DPYD: variants seen among roughly 807,000 people sequenced by gnomAD.
The protein encoded by DPYD is dihydropyrimidine dehydrogenase [NADP(+)].
DPYD carries 109 observed loss-of-function variants against 116.2 expected under a neutral mutation model. The ratio of observed to expected loss-of-function variants is 0.94; its 90% CI spans 0.80 to 1.10. DPYD has a LOEUF of 1.10. Among genes scored for constraint, DPYD ranks in the 50% least tolerant of loss-of-function variants. The probability of loss-of-function intolerance (pLI) is 0.00; values close to 1 mark genes in which losing one functional copy is unlikely to be tolerated. For synonymous variants in DPYD, 440 were observed against 432.0 expected, an observed-to-expected ratio of 1.02 and a Z score of -0.23; for missense variants, 1,302 against 1,254.5, an observed-to-expected ratio of 1.04 and a Z score of -0.57.
chr1:97,870,353 AC>A (rs1381787134), intron 2 of DPYD, among the ~76,000 whole-genome samples: 7 of 151,900 alleles, frequency 4.6e-5, no homozygotes, highest in Non-Finnish European at 8.8e-5. Context: ...CTTAATGAAA[AC>A]AAAAATATGA....
At chr1:97,143,310 T>G (rs1654366972) in intron 20 of DPYD, among the ~76,000 whole-genome samples, 1 of 152,160 alleles carries the variant, frequency 6.6e-6, no homozygotes, top group South Asian at 2.1e-4. Flanking sequence ...TCTTGACATC[T>G]GCTTTAGGCA....
At chr1:97,603,613 T>A (rs1488355280) in intron 8 of DPYD, among the ~76,000 whole-genome samples, 1 of 152,140 alleles carries the variant, frequency 6.6e-6, no homozygotes, top group Non-Finnish European at 1.5e-5. Flanking sequence ...AAAGTATTAC[T>A]AAAGTGTTAA....
intron 13 of DPYD, among the ~76,000 whole-genome samples, chr1:97,475,276 T>A (rs1242237885): frequency 6.6e-6 from 1 of 152,190 alleles, no homozygotes; most frequent in Non-Finnish European, 1.5e-5. Context: ...GATGATTTGC[T>A]ATATACCAAA....
At chr1:97,555,399 C>T (rs17100624) in intron 11 of DPYD, among the ~76,000 whole-genome samples, 24,242 of 152,008 alleles carry the variant, frequency 0.16, 3,063 homozygotes, top group East Asian at 0.66. Flanking sequence ...CTTCTGGATG[C>T]CTGTTTAAGA....
At chr1:97,626,912 G>A (rs1656964471) in intron 8 of DPYD, among the ~76,000 whole-genome samples, 1 of 151,928 alleles carries the variant, frequency 6.6e-6, no homozygotes, top group Non-Finnish European at 1.5e-5. Context: ...CCTTTCCATG[G>A]TGTCTTAGTT....
At chr1:97,193,313 T>G (rs1658517220) in intron 19 of DPYD, 65 bp from the exon 20 acceptor site, 2 of 1,494,244 alleles carry the variant, frequency 1.3e-6, no homozygotes, top group Non-Finnish European at 1.8e-6. Context: ...CAAATTCACT[T>G]TTCTTTGAGT....
intron 12 of DPYD, 51 bp from the exon 13 acceptor site, chr1:97,515,992 T>C: frequency 6.5e-7 from 1 of 1,527,572 alleles, no homozygotes; most frequent in Non-Finnish European, 9.0e-7. Flanking sequence ...AAATTGTCCA[T>C]ATAATATTTT....
intron 18 of DPYD, among the ~76,000 whole-genome samples, chr1:97,277,552 T>C (rs941347105): frequency 2.0e-5 from 3 of 152,156 alleles, no homozygotes; most frequent in East Asian, 1.9e-4. Flanking sequence ...CCAAACTATT[T>C]GAAGTTATTT....
intron 16 of DPYD, among the ~76,000 whole-genome samples, chr1:97,331,823 A>T (rs930892106): frequency 1.3e-5 from 2 of 152,160 alleles, no homozygotes; most frequent in Non-Finnish European, 2.9e-5. Context: ...AATGCTTGTG[A>T]TTTTATTAAG....
intron 20 of DPYD, among the ~76,000 whole-genome samples, chr1:97,155,338 CATCT>C (rs1655363776): frequency 6.6e-6 from 1 of 152,116 alleles, no homozygotes; most frequent in Admixed American, 6.6e-5. Context: ...TAGTTCTTTT[CATCT>C]ATCAAATGTT....
intron 18 of DPYD, among the ~76,000 whole-genome samples, chr1:97,258,419 C>T (rs374407948): frequency 1.3e-5 from 2 of 152,184 alleles, no homozygotes; most frequent in Non-Finnish European, 2.9e-5. Context: ...TCCCGCCTTC[C>T]ATCCTTCAGG....
intron 20 of DPYD, among the ~76,000 whole-genome samples, chr1:97,127,295 G>A (rs1652921408): frequency 6.6e-6 from 1 of 152,264 alleles, no homozygotes; most frequent in South Asian, 2.1e-4. Context: ...ATGAAGAAGG[G>A]TAGCAATGCT....
At chr1:97,106,265 C>T (rs755524945) in intron 20 of DPYD, among the ~76,000 whole-genome samples, 8 of 152,024 alleles carry the variant, frequency 5.3e-5, no homozygotes, top group East Asian at 1.9e-4. Context: ...TATGGTGTAA[C>T]GGTTAATTTT....
intron 16 of DPYD, among the ~76,000 whole-genome samples, chr1:97,344,249 C>G (rs1669726934): frequency 6.6e-6 from 1 of 151,768 alleles, no homozygotes; most frequent in Admixed American, 6.6e-5. Flanking sequence ...CTAAGGAATT[C>G]TAGAAGTAGG....
chr1:97,559,192 C>G (rs2811220), intron 11 of DPYD, among the ~76,000 whole-genome samples: 39,708 of 151,810 alleles, frequency 0.26, 5,880 homozygotes, highest in African/African-American at 0.39. Context: ...TTTAAATGCT[C>G]AATTATGTCA....
intron 19 of DPYD, among the ~76,000 whole-genome samples, chr1:97,209,905 T>C (rs943217288): frequency 1.3e-5 from 2 of 152,188 alleles, no homozygotes; most frequent in African/African-American, 4.8e-5. Flanking sequence ...TGGCAGTTTA[T>C]ATTTGCATGC....
intron 12 of DPYD, among the ~76,000 whole-genome samples, chr1:97,545,065 A>G (rs933518016): frequency 1.3e-5 from 2 of 152,142 alleles, no homozygotes; most frequent in African/African-American, 2.4e-5. Flanking sequence ...AGGGTATAAA[A>G]GAGTTTTTAA....
chr1:97,869,376 TATAA>T (rs1671549711), intron 2 of DPYD, among the ~76,000 whole-genome samples: 1 of 151,804 alleles, frequency 6.6e-6, no homozygotes, highest in South Asian at 2.1e-4. Context: ...GAAAGAATCC[TATAA>T]ATAAGAAATA....
In DPYD at chr1:97,206,644, A is replaced by ATATGTG. The variant is rs1477222538; in HGVS notation, c.2443-13397_2443-13396insCACATA. On this transcript the variant is annotated intron_variant, in intron 19 of 22. Coordinates refer to ENST00000370192, the MANE Select transcript of DPYD (RefSeq NM_000110.4). ...ATGTGAAAACAGGGAGATTTTATAT[A>ATATGTG]TATATATATATATATATATATATAT... Among the ~76,000 whole-genome samples the ATATGTG allele has an allele frequency of 3.9e-3, 124 of 31,732 alleles. 2 individuals carry two copies. The highest frequency in any genetic ancestry group is 0.039 in the African/African-American group (116 of 2,970). 20.8% of individuals were successfully genotyped at this position (31,732 alleles called of 152,430 possible). A position where few individuals can be genotyped will look rare whatever the true frequency, so the allele number is the denominator to read the frequency against.
Sources: gnomAD v4.1 joint callset for allele counts (sites outside exome capture counted in the v4.1 genomes callset) on GRCh38, gnomAD v4.1.1 for gene constraint, MANE v1.5 for transcripts, NCBI Gene and HGNC (gene_info 2026-07-23, HGNC 2026-07-21) for gene names.